ASMTL: variants seen among roughly 807,000 people sequenced by gnomAD.
ASMTL encodes the protein probable bifunctional dTTP/UTP pyrophosphatase/methyltransferase protein.
In ASMTL, 57 loss-of-function variants were observed where a neutral mutation model predicts 60.3. The ratio of observed to expected loss-of-function variants is 0.95; its 90% CI spans 0.76 to 1.18. The LOEUF (loss-of-function observed/expected upper bound fraction) is 1.18. Ranked by LOEUF, ASMTL falls within the 50% of genes most tolerant of loss-of-function variation. The pLI is 0.00. For missense variants in ASMTL, 981 were observed against 852.6 expected, an observed-to-expected ratio of 1.15 and a Z score of -1.88; for synonymous variants, 419 against 373.0, an observed-to-expected ratio of 1.12 and a Z score of -1.42.
chrX:1,446,224 CCT>C (rs2091228062), intron 1 of ASMTL, among the ~76,000 whole-genome samples: 2 of 152,288 alleles, frequency 1.3e-5, no homozygotes, highest in African/African-American at 2.4e-5. Context: ...GGAAGGGCCC[CCT>C]GTCCAGTGGA....
chrX:1,437,908 AAG>A (rs1475954824), intron 3 of ASMTL, among the ~76,000 whole-genome samples: 1 of 151,058 alleles, frequency 6.6e-6, no homozygotes, highest in Non-Finnish European at 1.5e-5. Context: ...AAAAAAAAAA[AAG>A]GAGAAATGGG....
chrX:1,442,095 G>C, intron 2 of ASMTL, 91 bp downstream of exon 2: 1 of 1,465,074 alleles, frequency 6.8e-7, no homozygotes, highest in South Asian at 1.2e-5. Context: ...TTTGAATGAC[G>C]TTTATTTGTG....
chrX:1,424,946 CTG>C (rs1298243175), intron 8 of ASMTL, among the ~76,000 whole-genome samples: 2 of 74,768 alleles, frequency 2.7e-5, no homozygotes, highest in African/African-American at 3.5e-5. Context: ...ATCAATCCAT[CTG>C]TCCATCCATC....
intron 12 of ASMTL, among the ~76,000 whole-genome samples, chrX:1,407,452 T>C (rs1327631519): frequency 1.4e-5 from 2 of 147,014 alleles, no homozygotes; most frequent in African/African-American, 2.6e-5. Flanking sequence ...TGGTAGATGA[T>C]AGGTAGATAG....
At chrX:1,444,576 T>TA (rs1329673846) in intron 1 of ASMTL, among the ~76,000 whole-genome samples, 1 of 152,144 alleles carries the variant, frequency 6.6e-6, no homozygotes, top group Non-Finnish European at 1.5e-5. Context: ...GGACAGGTGT[T>TA]ACGGACAGAG....
At chrX:1,443,047 CCACCAT>C (rs1229771887) in intron 1 of ASMTL, among the ~76,000 whole-genome samples, 3 of 108,478 alleles carry the variant, frequency 2.8e-5, no homozygotes, top group Non-Finnish European at 6.2e-5. Flanking sequence ...TGGACGCATA[CCACCAT>C]CGTGGACACA....
rs770320683 is a variant in ASMTL at position 1,424,643 on chromosome X, T to C, written c.1060+882A>G. On this transcript the variant is annotated intron_variant, in intron 8 of 12. Coordinates refer to ENST00000381317, the MANE Select transcript of ASMTL (RefSeq NM_004192.4). ...ATCCATCCACTTACCCACCCATCTATGCACTCATCCACCGATTCATCGATC... is the reference window on the plus strand; with the variant it reads ...ATCCATCCACTTACCCACCCATCTACGCACTCATCCACCGATTCATCGATC... 4.1e-5 allele frequency among the ~76,000 whole-genome samples: 6 copies of C among 146,594 alleles called. No individual in the cohort carries two copies. In the East Asian group the frequency reaches 1.2e-3, roughly 30 times the overall value.
Position 1,419,083 on chromosome X carries a change from A to G in ASMTL, c.1277T>C (p.Leu426Pro), listed in dbSNP as rs1227165607. Residue 426 changes from leucine (L) to proline (P), a missense_variant, in exon 10 of 13, where the codon CTG becomes CCG. By Grantham distance (98) the Leu-to-Pro change is moderately conservative. Transcript: ENST00000381317. The part of the protein sequence containing the change: ...DAYYQSPETR[L>P]RFMRAMHGMT... ...GCCGTGCATGGCCCGCATGAACCTC[A>G]GCCGCGTCTCCGGGCTCTGGTAGTA... 1 of 1,611,390 alleles carries G rather than the reference A, an allele frequency of 6.2e-7. No homozygotes were observed. Among genetic ancestry groups the G allele is most frequent in the African/African-American group, 1.3e-5 (1 of 74,994 alleles).
intron 3 of ASMTL, among the ~76,000 whole-genome samples, chrX:1,438,084 T>A (rs1310757472): frequency 2.1e-5 from 3 of 145,864 alleles, no homozygotes; most frequent in African/African-American, 7.6e-5. Flanking sequence ...AGGTCGGGAG[T>A]TTGAGACCAG....
At chrX:1,437,949 G>A (rs1405905218) in intron 3 of ASMTL, among the ~76,000 whole-genome samples, 1 of 151,022 alleles carries the variant, frequency 6.6e-6, no homozygotes, top group African/African-American at 2.4e-5. Flanking sequence ...AGATGCGGTT[G>A]GACAGAATTA....
intron 1 of ASMTL, among the ~76,000 whole-genome samples, chrX:1,451,593 A>C (rs2091386081): frequency 9.1e-6 from 1 of 109,294 alleles, no homozygotes; most frequent in Non-Finnish European, 1.9e-5. Flanking sequence ...CACTCCCTGC[A>C]ACCCCATGCC....
At chrX:1,417,175 C>T (rs2090315924) in intron 11 of ASMTL, among the ~76,000 whole-genome samples, 1 of 151,568 alleles carries the variant, frequency 6.6e-6, no homozygotes, top group African/African-American at 2.4e-5. Context: ...CACCGGCCCA[C>T]AGCATGCACA....
intron 5 of ASMTL, among the ~76,000 whole-genome samples, chrX:1,433,061 G>A (rs1186342658): frequency 2.6e-5 from 4 of 152,106 alleles, no homozygotes; most frequent in African/African-American, 9.7e-5. Flanking sequence ...TCACGCCACT[G>A]TACTGCAGCC....
At position 1,412,837 on chromosome X, in the gene ASMTL, G is replaced by C. The variant is rs1340325924; in HGVS notation, c.1540C>G (p.Pro514Ala). Reference sequence around the variant, plus strand: ...ACGTACAGCTCAGCGCTGGGGAGGGGGTCCCTGAAAAAGTCACCTGGTTTA... The same window carrying C: ...ACGTACAGCTCAGCGCTGGGGAGGGCGTCCCTGAAAAAGTCACCTGGTTTA... ...HFAAGDFFRD[P>A]LPSAELYVLC... Residue 514 changes from proline to alanine, a missense_variant, in exon 12 of 13, where the codon CCC (proline) becomes GCC (alanine). Physicochemically the swap from Pro to Ala is conservative, Grantham distance 27 (BLOSUM62 -1). Transcript: ENST00000381317. The C allele has an allele frequency of 2.5e-6, 4 of 1,613,854 alleles. No individual in the cohort carries two copies. Among genetic ancestry groups the C allele is most frequent in the Admixed American group, 1.7e-5 (1 of 59,990 alleles).
chrX:1,417,559 G>A (rs1302619532), intron 11 of ASMTL, among the ~76,000 whole-genome samples: 5 of 89,294 alleles, frequency 5.6e-5, no homozygotes, highest in Admixed American at 2.4e-4. Flanking sequence ...ACACAAGCAC[G>A]ACAGTCATAT....
At chrX:1,439,837 A>C (rs2091063594) in intron 2 of ASMTL, among the ~76,000 whole-genome samples, 1 of 112,256 alleles carries the variant, frequency 8.9e-6, no homozygotes, top group Admixed American at 8.2e-5. Context: ...CTCAGTCTCC[A>C]AAAAAAAAAA....
intron 5 of ASMTL, among the ~76,000 whole-genome samples, chrX:1,433,330 C>A (rs1478726421): frequency 2.6e-5 from 4 of 151,792 alleles, no homozygotes; most frequent in Admixed American, 6.6e-5. Context: ...ATGGAGTTTG[C>A]TCCCCAGTGG....
chrX:1,450,532 C>T (rs1302162853), intron 1 of ASMTL, among the ~76,000 whole-genome samples: 2 of 145,462 alleles, frequency 1.4e-5, no homozygotes, highest in African/African-American at 2.7e-5. Flanking sequence ...ACACTCCCCT[C>T]CCCCATCACT....
chrX:1,411,632 G>C (rs2149270932), intron 12 of ASMTL, among the ~76,000 whole-genome samples: 1 of 26,816 alleles, frequency 3.7e-5, no homozygotes, highest in Non-Finnish European at 7.9e-5. Flanking sequence ...CAGCTGCAGA[G>C]TCCACTCATG....
Sources: allele counts gnomAD v4.1 joint callset (sites outside exome capture counted in the v4.1 genomes callset), GRCh38; gene constraint gnomAD v4.1.1; transcripts MANE v1.5; gene names NCBI Gene and HGNC (gene_info 2026-07-23, HGNC 2026-07-21).